SOBP: variants seen among roughly 807,000 people sequenced by gnomAD.
SOBP encodes the protein sine oculis binding protein homolog, also known as sine oculis-binding protein homolog.
Under a neutral mutation model 53.6 loss-of-function variants are expected in SOBP, and 4 were observed. The observed-to-expected ratio is 0.07, with a 90% CI of 0.04 to 0.17. The LOEUF (loss-of-function observed/expected upper bound fraction) is 0.17, where lower values mean the gene tolerates loss of function less well. SOBP is among the 10% of genes least tolerant of loss of function. The pLI, the probability that SOBP is intolerant of heterozygous loss-of-function variation, is 1.00. For missense variants in SOBP, 1,088 were observed against 1,204.7 expected, an observed-to-expected ratio of 0.90 and a Z score of 1.43; for synonymous variants, 584 against 522.6, an observed-to-expected ratio of 1.12 and a Z score of -1.60.
chr6:107,522,536 A>ACT (rs1340479166), intron 3 of SOBP, among the ~76,000 whole-genome samples: 33 of 48,180 alleles, frequency 6.8e-4, no homozygotes, highest in Non-Finnish European at 1.1e-3. Flanking sequence ...TAGTATAAAA[A>ACT]CTTTTTTTTT....
intron 5 of SOBP, among the ~76,000 whole-genome samples, chr6:107,613,400 A>G (rs1786670042): frequency 6.6e-6 from 1 of 152,248 alleles, no homozygotes; most frequent in South Asian, 2.1e-4. Flanking sequence ...GCAGAAAAAC[A>G]TTTATTAAAA....
At chr6:107,592,015 T>C (rs577591781) in intron 5 of SOBP, among the ~76,000 whole-genome samples, 138 of 147,656 alleles carry the variant, frequency 9.3e-4, no homozygotes, top group African/African-American at 3.0e-3. Flanking sequence ...GGATCCTTCT[T>C]CTCTGGCTAG....
chr6:107,587,254 G>T, intron 5 of SOBP, 79 bp downstream of exon 5: 1 of 1,107,264 alleles, frequency 9.0e-7, no homozygotes, highest in Non-Finnish European at 1.4e-6. Context: ...GTTTGTTCAT[G>T]ATTACATAAT....
At chr6:107,508,544 A>G (rs1783065271) in intron 3 of SOBP, among the ~76,000 whole-genome samples, 1 of 152,004 alleles carries the variant, frequency 6.6e-6, no homozygotes, top group Non-Finnish European at 1.5e-5. Context: ...ATGCTACTGC[A>G]CTCCAGCCTG....
chr6:107,652,194 G>A (rs907120869), intron 6 of SOBP, among the ~76,000 whole-genome samples: 1 of 152,172 alleles, frequency 6.6e-6, no homozygotes, highest in Non-Finnish European at 1.5e-5. Context: ...TTTGGGCAAA[G>A]TACATTGAAA....
intron 5 of SOBP, among the ~76,000 whole-genome samples, chr6:107,602,664 G>T (rs985087885): frequency 6.6e-6 from 1 of 151,676 alleles, no homozygotes; most frequent in Non-Finnish European, 1.5e-5. Context: ...CTTCATTAAT[G>T]GCCTAAAGGC....
rs1782551564 is a variant in SOBP at position 107,490,551 on chromosome 6, G to GCCGCCACCACCA, written c.-60_-49dup. 1 of 1,243,552 alleles carries GCCGCCACCACCA rather than the reference G, an allele frequency of 8.0e-7. No homozygotes were observed. Among genetic ancestry groups the GCCGCCACCACCA allele is most frequent in the East Asian group, 2.6e-5 (1 of 39,046 alleles). The allele number at this position is 1,243,552 out of a possible 1,614,324, so 77.0% of individuals were successfully genotyped here. A position where few individuals can be genotyped will look rare whatever the true frequency, so the allele number is the denominator to read the frequency against. ...CAGCACCACCTCCACCGCCGCCGCCGCCGCCACCACCACCGCCGGCGGCGG... is the reference window on the plus strand; with the variant it reads ...CAGCACCACCTCCACCGCCGCCGCCGCCGCCACCACCACCGCCACCACCACCGCCGGCGGCGG... On this transcript the variant is annotated 5_prime_UTR_variant, in exon 1 of 7. Coordinates refer to ENST00000317357, the MANE Select transcript of SOBP (RefSeq NM_018013.4).
intron 5 of SOBP, among the ~76,000 whole-genome samples, chr6:107,591,071 G>A (rs561780654): frequency 8.1e-4 from 124 of 152,220 alleles, no homozygotes; most frequent in African/African-American, 2.8e-3. Context: ...GCCCCAGCTG[G>A]ACTTTATACA....
intron 6 of SOBP, among the ~76,000 whole-genome samples, chr6:107,656,502 T>A (rs559601796): frequency 6.6e-6 from 1 of 152,364 alleles, no homozygotes; most frequent in East Asian, 1.9e-4. Flanking sequence ...CATTTTCACT[T>A]TGGTTATTTA....
At chr6:107,555,294 G>C (rs184429905) in intron 4 of SOBP, among the ~76,000 whole-genome samples, 1 of 152,222 alleles carries the variant, frequency 6.6e-6, no homozygotes, top group Admixed American at 6.5e-5. Context: ...AGCTTCTGGG[G>C]TGGCATATTA....
Position 107,587,066 on chromosome 6 carries a change from A to G in SOBP, c.574-14A>G. On this transcript the variant is annotated splice_polypyrimidine_tract_variant and intron_variant, in intron 4 of 6. Coordinates refer to ENST00000317357, the MANE Select transcript of SOBP (RefSeq NM_018013.4). ...TTTGTAAGTCCCTAAATAGGCCATT[A>G]TATTTCCCTTCAGGCTAGAGATGAA... The G allele has an allele frequency of 1.2e-6, 2 of 1,607,400 alleles. No individual in the cohort carries two copies. The highest frequency in any genetic ancestry group is 1.7e-6 in the Non-Finnish European group (2 of 1,174,270).
intron 5 of SOBP, among the ~76,000 whole-genome samples, chr6:107,599,610 GA>G (rs10685353): frequency 1.3e-3 from 176 of 138,534 alleles, no homozygotes; most frequent in African/African-American, 2.5e-3. Flanking sequence ...TGATTTTTGA[GA>G]AAAAAAAAAA....
chr6:107,537,402 T>G (rs55932285), intron 4 of SOBP, among the ~76,000 whole-genome samples: 8,317 of 152,310 alleles, frequency 0.055, 781 homozygotes, highest in African/African-American at 0.19. Flanking sequence ...AAAGGATGAT[T>G]ATTTACTTTT....
At chr6:107,512,326 A>G (rs2114958527) in intron 3 of SOBP, among the ~76,000 whole-genome samples, 1 of 152,288 alleles carries the variant, frequency 6.6e-6, no homozygotes, top group South Asian at 2.1e-4. Context: ...ACCCTTTGAG[A>G]CTTCATTCGA....
intron 4 of SOBP, among the ~76,000 whole-genome samples, chr6:107,572,729 A>G (rs1414429336): frequency 1.3e-5 from 2 of 152,146 alleles, no homozygotes; most frequent in South Asian, 2.1e-4. Context: ...ATTACAATGT[A>G]TGTGTGCCCA....
In SOBP at chr6:107,635,245, A is replaced by C; in HGVS notation, c.2401A>C (p.Lys801Gln). 6.2e-7 allele frequency: 1 copy of C among 1,613,892 alleles called. No homozygotes were observed. The change falls in exon 6 of 7, where the codon AAG becomes CAG. Residue 801 changes from lysine to glutamine, a missense_variant. Physicochemically the swap from Lys to Gln is moderately conservative, Grantham distance 53. Transcript: ENST00000317357. The surrounding 1 kb of genome is among the most constrained non-coding windows in gnomAD (Gnocchi z 4.5). The stretch of plus-strand genomic sequence containing the variant: ...CGAGGAGGCCCTGGCGGGGGGCGAC[A>C]AGTCAGACCCGAACCTTAATAACCC... ...MGEEALAGGD[K>Q]SDPNLNNPAD... is the part of the protein sequence containing the mutation.
chr6:107,630,669 ATTGC>A (rs2115135985), intron 5 of SOBP, among the ~76,000 whole-genome samples: 1 of 152,232 alleles, frequency 6.6e-6, no homozygotes, highest in Non-Finnish European at 1.5e-5. Context: ...CACCAGAAAG[ATTGC>A]TTTTCTGTAT....
At position 107,506,225 on chromosome 6, in the gene SOBP, A is replaced by C. The variant is rs528379890; in HGVS notation, c.236-17A>C. On this transcript the variant is annotated splice_polypyrimidine_tract_variant and intron_variant, in intron 2 of 6. Transcript: ENST00000317357. ...ACATTCCTTGGTCACATTGAATATG[A>C]TTTTTTTCTTTTACAGAAAATTCTT... The C allele has an allele frequency of 2.7e-5, 44 of 1,611,240 alleles. 1 individual carries two copies. In the South Asian group the frequency reaches 4.7e-4, roughly 17 times the overall value.
intron 4 of SOBP, among the ~76,000 whole-genome samples, chr6:107,570,508 C>G (rs1408060824): frequency 6.6e-6 from 1 of 152,202 alleles, no homozygotes; most frequent in African/African-American, 2.4e-5. Context: ...GTCAGTAGGA[C>G]ACACAACTCA....
Sources: gnomAD v4.1 joint callset for allele counts (sites outside exome capture counted in the v4.1 genomes callset) on GRCh38, gnomAD v4.1.1 for gene constraint, Gnocchi (gnomAD v3.1) non-coding constraint, MANE v1.5 for transcripts, NCBI Gene and HGNC (gene_info 2026-07-23, HGNC 2026-07-21) for gene names.